ITGBL1: variants seen among roughly 807,000 people sequenced by gnomAD.
The protein encoded by ITGBL1 is integrin beta-like protein 1.
In ITGBL1, 51 loss-of-function variants were observed where a neutral mutation model predicts 68.5. That is an observed-to-expected ratio of 0.74 (90% confidence interval 0.59 to 0.94). The LOEUF (loss-of-function observed/expected upper bound fraction) is 0.94. Among genes scored for constraint, ITGBL1 ranks in the 40% least tolerant of loss-of-function variants. The pLI is 0.00. For synonymous variants in ITGBL1, 209 were observed against 227.3 expected (o/e 0.92, Z 0.72); for missense variants, 649 against 647.4 (o/e 1.00, Z -0.03).
chr13:101,666,848 C>G (rs2033231476), intron 7 of ITGBL1, among the ~76,000 whole-genome samples: 1 of 152,140 alleles, frequency 6.6e-6, no homozygotes, highest in Admixed American at 6.5e-5. Context: ...CAGGCAAGGT[C>G]ACCTTCAGGA....
chr13:101,626,028 A>G (rs2031763671), intron 7 of ITGBL1, among the ~76,000 whole-genome samples: 1 of 152,174 alleles, frequency 6.6e-6, no homozygotes, highest in African/African-American at 2.4e-5. Flanking sequence ...ATGGCTAATA[A>G]ATGGTAGAAC....
rs75942825 is a variant in ITGBL1 at position 101,674,209 on chromosome 13, C to A, written c.1016-18376C>A. Among the ~76,000 whole-genome samples the A allele has an allele frequency of 5.7e-4, 87 of 152,330 alleles. 1 individual carries two copies. Among genetic ancestry groups the A allele is most frequent in the African/African-American group, 1.9e-3 (80 of 41,594 alleles). On this transcript the variant is annotated intron_variant, in intron 7 of 10. Coordinates refer to ENST00000376180, the MANE Select transcript of ITGBL1 (RefSeq NM_004791.3). ...ACACACACTCGCGTGCATGCACACG[C>A]TTCTGTGAGGATATCTGCTTGTCTA...
rs1052233562 is a variant in ITGBL1 at position 101,452,703 on chromosome 13, C to G, written c.-131C>G. On this transcript the variant is annotated 5_prime_UTR_variant, in exon 1 of 11. Coordinates refer to ENST00000376180, the MANE Select transcript of ITGBL1 (RefSeq NM_004791.3). Reference sequence around the variant, plus strand: ...TGCAACTCCGGCTGGAGCCCCGGACCTGCAAGCCTGGGTGTCCGTGGGTCC... The same window carrying G: ...TGCAACTCCGGCTGGAGCCCCGGACGTGCAAGCCTGGGTGTCCGTGGGTCC... 2 of 708,672 alleles carry G rather than the reference C, an allele frequency of 2.8e-6. No homozygotes were observed. Among genetic ancestry groups the G allele is most frequent in the Non-Finnish European group, 5.0e-6 (2 of 398,840 alleles). The allele number at this position is 708,672 out of a possible 1,614,324, so 43.9% of individuals were successfully genotyped here. A position where few individuals can be genotyped will look rare whatever the true frequency, so the allele number is the denominator to read the frequency against.
intron 3 of ITGBL1, among the ~76,000 whole-genome samples, chr13:101,571,709 T>C (rs1453255546): frequency 6.6e-6 from 1 of 152,144 alleles, no homozygotes; most frequent in African/African-American, 2.4e-5. Context: ...TATTTGTGTG[T>C]TATTATTTCT....
At chr13:101,678,526 G>A (rs990522123) in intron 7 of ITGBL1, among the ~76,000 whole-genome samples, 5 of 146,424 alleles carry the variant, frequency 3.4e-5, no homozygotes, top group Admixed American at 2.7e-4. Flanking sequence ...TTGAGATGGA[G>A]TCTCATTCTG....
intron 7 of ITGBL1, among the ~76,000 whole-genome samples, chr13:101,667,680 G>A (rs1209596295): frequency 6.6e-6 from 1 of 151,858 alleles, no homozygotes; most frequent in Non-Finnish European, 1.5e-5. Context: ...AAACCATTGA[G>A]TTTATATTAC....
downstream of ITGBL1, chr13:101,718,184 CAG>C (rs2034795710): frequency 6.6e-6 from 1 of 151,990 alleles, no homozygotes; most frequent in Admixed American, 6.6e-5. Context: ...TCTTTGAAAA[CAG>C]AAATATTTTT....
In ITGBL1 at chr13:101,452,694, G is replaced by T; in HGVS notation, c.-140G>T. The T allele has an allele frequency of 1.5e-6, 1 of 674,222 alleles. No individual in the cohort carries two copies. Among genetic ancestry groups the T allele is most frequent in the Non-Finnish European group, 2.7e-6 (1 of 375,948 alleles). 41.8% of individuals were successfully genotyped at this position (674,222 alleles called of 1,614,324 possible). A position where few individuals can be genotyped will look rare whatever the true frequency, so the allele number is the denominator to read the frequency against. ...CAACGCAATTGCAACTCCGGCTGGAGCCCCGGACCTGCAAGCCTGGGTGTC... is the reference window on the plus strand; with the variant it reads ...CAACGCAATTGCAACTCCGGCTGGATCCCCGGACCTGCAAGCCTGGGTGTC... On this transcript the variant is annotated 5_prime_UTR_variant, in exon 1 of 11. Coordinates refer to ENST00000376180, the MANE Select transcript of ITGBL1 (RefSeq NM_004791.3).
chr13:101,479,390 C>T (rs986853752), intron 2 of ITGBL1, among the ~76,000 whole-genome samples: 6 of 151,968 alleles, frequency 3.9e-5, no homozygotes, highest in African/African-American at 1.4e-4. Context: ...TCTAGGACAT[C>T]GGTCTGGGCA....
chr13:101,462,045 C>T (rs1411713365), intron 2 of ITGBL1, among the ~76,000 whole-genome samples: 1 of 152,070 alleles, frequency 6.6e-6, no homozygotes, highest in African/African-American at 2.4e-5. Context: ...AGACTGTGGT[C>T]CCCAGTTCCT....
intron 2 of ITGBL1, among the ~76,000 whole-genome samples, chr13:101,534,884 G>A (rs2049545320): frequency 6.6e-6 from 1 of 152,068 alleles, no homozygotes; most frequent in African/African-American, 2.4e-5. Flanking sequence ...GAGAGATTGT[G>A]AAATTAACCC....
intron 7 of ITGBL1, among the ~76,000 whole-genome samples, chr13:101,621,472 A>G (rs1125872): frequency 0.57 from 86,374 of 151,970 alleles, 26,142 homozygotes; most frequent in Middle Eastern, 0.69. Flanking sequence ...CTTTTATTAT[A>G]GAAATTCAGG....
intron 2 of ITGBL1, among the ~76,000 whole-genome samples, chr13:101,466,489 G>A (rs1333483645): frequency 6.6e-6 from 1 of 152,140 alleles, no homozygotes; most frequent in Admixed American, 6.5e-5. Flanking sequence ...TGGCCATTAA[G>A]ACATTCTAGA....
At chr13:101,671,576 C>A (rs1396929692) in intron 7 of ITGBL1, among the ~76,000 whole-genome samples, 5 of 150,040 alleles carry the variant, frequency 3.3e-5, no homozygotes, top group Non-Finnish European at 5.9e-5. Context: ...GTAGCTGGGA[C>A]TACAGGCGCC....
chr13:101,618,122 C>T (rs1174003329), intron 7 of ITGBL1, among the ~76,000 whole-genome samples: 1 of 152,092 alleles, frequency 6.6e-6, no homozygotes, highest in Non-Finnish European at 1.5e-5. Flanking sequence ...TGGTTGAATC[C>T]ACGGACTTTG....
intron 2 of ITGBL1, among the ~76,000 whole-genome samples, chr13:101,516,777 G>A (rs997631309): frequency 2.0e-5 from 3 of 152,090 alleles, no homozygotes; most frequent in Non-Finnish European, 4.4e-5. Flanking sequence ...ACCTGGAAAT[G>A]TTTTAATTAG....
chr13:101,496,847 C>T (rs2048864388), intron 2 of ITGBL1, among the ~76,000 whole-genome samples: 1 of 152,214 alleles, frequency 6.6e-6, no homozygotes, highest in African/African-American at 2.4e-5. Context: ...GTGGAAGCTT[C>T]CTGCCATATC....
In ITGBL1 at chr13:101,478,796, T is replaced by C. The variant is rs149743178; in HGVS notation, c.316+24696T>C. On this transcript the variant is annotated intron_variant, in intron 2 of 10. Coordinates refer to ENST00000376180, the MANE Select transcript of ITGBL1 (RefSeq NM_004791.3). ...CTACAATGAAAACTATAAACATTGA[T>C]GCAAAAAATTGAAGAGGACTCAAAA... Among the ~76,000 whole-genome samples the C allele has an allele frequency of 6.3e-3, 951 of 152,128 alleles. 5 individuals carry two copies. The highest frequency in any genetic ancestry group is 0.02 in the Middle Eastern group (6 of 294).
chr13:101,708,499 A>G (rs2034313116), intron 9 of ITGBL1, among the ~76,000 whole-genome samples: 1 of 152,156 alleles, frequency 6.6e-6, no homozygotes, highest in Non-Finnish European at 1.5e-5. Flanking sequence ...AGAGACACTG[A>G]ATCCTGTTGC....
Sources: gnomAD v4.1 joint callset for allele counts (sites outside exome capture counted in the v4.1 genomes callset) on GRCh38, gnomAD v4.1.1 for gene constraint, MANE v1.5 for transcripts, NCBI Gene and HGNC (gene_info 2026-07-23, HGNC 2026-07-21) for gene names.